AUNIP: variants seen among roughly 807,000 people sequenced by gnomAD.
AUNIP encodes aurora kinase A and ninein interacting protein, also known as aurora kinase A- and ninein-interacting protein.
Under a neutral mutation model 12.2 loss-of-function variants are expected in AUNIP, and 16 were observed. The observed-to-expected ratio is 1.31, with a 90% CI of 0.88 to 1.99. The LOEUF (loss-of-function observed/expected upper bound fraction) is 1.99, where lower values mean the gene tolerates loss of function less well. Among genes scored for constraint, AUNIP ranks in the 30% most tolerant of loss-of-function variants. The probability of loss-of-function intolerance (pLI) is 0.00; values close to 1 mark genes in which losing one functional copy is unlikely to be tolerated. For missense variants in AUNIP, 411 were observed against 419.1 expected (o/e 0.98, Z 0.17); for synonymous variants, 142 against 154.8 (o/e 0.92, Z 0.61).
intron 1 of AUNIP, among the ~76,000 whole-genome samples, chr1:25,854,767 G>A (rs1248049533): frequency 6.6e-6 from 1 of 152,066 alleles, no homozygotes; most frequent in Non-Finnish European, 1.5e-5. Context: ...AACTAGAGGT[G>A]CGGTATCCAA....
Position 25,837,426 on chromosome 1 carries a change from G to A in AUNIP, c.207C>T (p.Phe69=), listed in dbSNP as rs751429847. ...GGGTCACCATACCTGGCTGCAAGGT[G>A]AAGAAGGAAGCAATGCTTCTCTGGT... ...GIHQRSIASF[F]TLQPGKTNGS... is the part of the protein sequence containing the mutation. Residue 69 remains phenylalanine (F), a synonymous_variant, in exon 2 of 3, where the codon TTC becomes TTT. Coordinates refer to ENST00000374298, the MANE Select transcript of AUNIP (RefSeq NM_024037.3). 6.2e-7 allele frequency: 1 copy of A among 1,613,684 alleles called. No individual in the cohort carries two copies. Among genetic ancestry groups the A allele is most frequent in the Non-Finnish European group, 8.5e-7 (1 of 1,179,824 alleles).
rs1375148311 is a variant in AUNIP at position 25,858,970 on chromosome 1, G to A, written c.78+310C>T. Among the ~76,000 whole-genome samples, 4 of 152,150 alleles carry A rather than the reference G, an allele frequency of 2.6e-5. No individual in the cohort carries two copies. The East Asian group carries it at 7.7e-4, about 29-fold the overall frequency. On this transcript the variant is annotated intron_variant, in intron 1 of 2. Transcript: ENST00000374298. ...TGTGGCCTCCTAGGGAGCCTGGTCAGTTCAACTGCTCCGAGCGAACTTTCC... is the reference window on the plus strand; with the variant it reads ...TGTGGCCTCCTAGGGAGCCTGGTCAATTCAACTGCTCCGAGCGAACTTTCC...
rs536487538 is a variant in AUNIP at position 25,854,959 on chromosome 1, T to C, written c.78+4321A>G. Among the ~76,000 whole-genome samples the C allele has an allele frequency of 6.5e-4, 96 of 148,730 alleles. No individual in the cohort carries two copies. The East Asian group carries it at 0.018, about 28-fold the overall frequency. ...CCTAGATTCAGAATTCTTTCTTTTT[T>C]TTTTTTTTTTTTTTTGAGATGGGGT... On this transcript the variant is annotated intron_variant, in intron 1 of 2. Coordinates refer to ENST00000374298, the MANE Select transcript of AUNIP (RefSeq NM_024037.3).
At chr1:25,858,203 T>A (rs184988242) in intron 1 of AUNIP, among the ~76,000 whole-genome samples, 2 of 152,106 alleles carry the variant, frequency 1.3e-5, no homozygotes, top group Admixed American at 1.3e-4. Context: ...AATAAAATGA[T>A]CAAATTTCTT....
At chr1:25,853,158 T>C (rs1020156776) in intron 1 of AUNIP, among the ~76,000 whole-genome samples, 2 of 152,242 alleles carry the variant, frequency 1.3e-5, no homozygotes, top group Non-Finnish European at 2.9e-5. Context: ...TATAGTATTG[T>C]TCAAATCTTT....
chr1:25,851,412 T>C (rs968918269), intron 1 of AUNIP, among the ~76,000 whole-genome samples: 15 of 151,744 alleles, frequency 9.9e-5, no homozygotes, highest in African/African-American at 3.4e-4. Context: ...CCTCCTCTTC[T>C]ATTCTATTTT....
At position 25,837,526 on chromosome 1, in the gene AUNIP, A is replaced by G; in HGVS notation, c.107T>C (p.Met36Thr). Residue 36 changes from methionine (M) to threonine (T), a missense_variant, in exon 2 of 3, where the codon ATG becomes ACG. Transcript: ENST00000374298. ...QTHLIKPGTK[M>T]LTLLPGERKA... ...TCTTTCTCCAGGAAGGAGTGTTAGC[A>G]TTTTGGTGCCTGGTTTGATTAAATG... The G allele has an allele frequency of 6.2e-7, 1 of 1,613,788 alleles. No homozygotes were observed. The highest frequency in any genetic ancestry group is 8.5e-7 in the Non-Finnish European group (1 of 1,179,814).
intron 1 of AUNIP, 61 bp downstream of exon 1, chr1:25,859,219 C>T: frequency 6.6e-7 from 1 of 1,525,680 alleles, no homozygotes; most frequent in Non-Finnish European, 8.8e-7. Flanking sequence ...CAAACTCCTC[C>T]CGTCTTACGC....
chr1:25,835,752 A>G lies in AUNIP; in HGVS notation c.315T>C (p.His105=), dbSNP rs1299922492. Residue 105 remains histidine, a synonymous_variant, in exon 3 of 3, where the codon CAT becomes CAC. Coordinates refer to ENST00000374298, the MANE Select transcript of AUNIP (RefSeq NM_024037.3). ...ESKKNATQLD[H]LIPGLAHDCM... Reference sequence around the variant, plus strand: ...AATCGTGTGCTAAGCCTGGGATCAAATGGTCTAGCTGGGTCGCATTTTTCT... The same window carrying G: ...AATCGTGTGCTAAGCCTGGGATCAAGTGGTCTAGCTGGGTCGCATTTTTCT... The G allele has an allele frequency of 3.1e-6, 5 of 1,614,094 alleles. No individual in the cohort carries two copies. In the African/African-American group the frequency reaches 6.7e-5, roughly 22 times the overall value.
chr1:25,843,613 AAAAAAAAAAAG>A (rs1356788951), intron 1 of AUNIP, among the ~76,000 whole-genome samples: 2 of 150,302 alleles, frequency 1.3e-5, no homozygotes, highest in Non-Finnish European at 1.5e-5. Context: ...AAAAAAAAAA[AAAAAAAAAAAG>A]GGATTCATGA....
chr1:25,856,421 C>T (rs1209394123), intron 1 of AUNIP, among the ~76,000 whole-genome samples: 4 of 150,772 alleles, frequency 2.7e-5, no homozygotes, highest in Admixed American at 6.6e-5. Context: ...TAGTGGCTCA[C>T]GCCTGTAATC....
At chr1:25,843,353 A>G (rs1210553393) in intron 1 of AUNIP, among the ~76,000 whole-genome samples, 2 of 151,508 alleles carry the variant, frequency 1.3e-5, no homozygotes, top group Non-Finnish European at 1.5e-5. Flanking sequence ...ACTATTTAAG[A>G]ACTACATTTC....
chr1:25,835,273 C>G lies in AUNIP; in HGVS notation c.794G>C (p.Ser265Thr), dbSNP rs2048290262. ...GGAAAACACAGAAACTGGACTACGG[C>G]TTTGTTTCACTGATTCTATGTTTTC... Reference protein sequence around the residue: ...NGENIESVKQSRSPVSVFSWD... With the variant: ...NGENIESVKQTRSPVSVFSWD... Residue 265 changes from serine to threonine, a missense_variant, in exon 3 of 3, where the codon AGC becomes ACC. Ser to Thr is a moderately conservative substitution (Grantham distance 58). Coordinates refer to ENST00000374298, the MANE Select transcript of AUNIP (RefSeq NM_024037.3). The G allele has an allele frequency of 4.3e-6, 7 of 1,614,090 alleles. No individual in the cohort carries two copies. The highest frequency in any genetic ancestry group is 5.9e-6 in the Non-Finnish European group (7 of 1,180,038).
intron 1 of AUNIP, among the ~76,000 whole-genome samples, chr1:25,851,500 CTT>C (rs1420797553): frequency 1.3e-5 from 2 of 152,126 alleles, no homozygotes; most frequent in Non-Finnish European, 2.9e-5. Context: ...TGGACCTGGA[CTT>C]TTCTTTGCAG....
At chr1:25,850,925 T>A (rs2124511403) in intron 1 of AUNIP, among the ~76,000 whole-genome samples, 1 of 152,342 alleles carries the variant, frequency 6.6e-6, no homozygotes, top group Admixed American at 6.5e-5. Context: ...TCTAGTGCAA[T>A]GGTAAACAGA....
chr1:25,849,819 A>G (rs1336379337), intron 1 of AUNIP, among the ~76,000 whole-genome samples: 1 of 152,104 alleles, frequency 6.6e-6, no homozygotes, highest in Admixed American at 6.6e-5. Flanking sequence ...TTTTTTTAGT[A>G]GAGACGGGGT....
intron 1 of AUNIP, among the ~76,000 whole-genome samples, chr1:25,838,641 A>C (rs1359516832): frequency 6.6e-6 from 1 of 152,254 alleles, no homozygotes; most frequent in Non-Finnish European, 1.5e-5. Flanking sequence ...CAGTCTCACT[A>C]CACTTTTAAC....
rs537383724 is a variant in AUNIP, at chr1:25,859,435, C to G, written c.-78G>C. 1.1e-5 allele frequency: 15 copies of G among 1,325,198 alleles called. No homozygotes were observed. The highest frequency in any genetic ancestry group is 3.1e-5 in the East Asian group (1 of 32,688). The allele number at this position is 1,325,198 out of a possible 1,614,324, so 82.1% of individuals were successfully genotyped here. A position where few individuals can be genotyped will look rare whatever the true frequency, so the allele number is the denominator to read the frequency against. On this transcript the variant is annotated 5_prime_UTR_variant, in exon 1 of 3. Coordinates refer to ENST00000374298, the MANE Select transcript of AUNIP (RefSeq NM_024037.3). ...CAGGGAACGCCAGAACCGCGGCCGC[C>G]GACGTTCGGATCTCGCGCCAACGCT...
chr1:25,832,695 C>T (rs1300948388), downstream of AUNIP: 1 of 156,982 alleles, frequency 6.4e-6, no homozygotes, highest in Non-Finnish European at 1.4e-5. Flanking sequence ...TTATCAGTTC[C>T]ACTGATTAAA....
Sources: allele counts gnomAD v4.1 joint callset (sites outside exome capture counted in the v4.1 genomes callset), GRCh38; gene constraint gnomAD v4.1.1; transcripts MANE v1.5; gene names NCBI Gene and HGNC (gene_info 2026-07-23, HGNC 2026-07-21).